Variants in ARHGEF10 observed in about 807,000 individuals in gnomAD.
ARHGEF10 encodes the protein Rho guanine nucleotide exchange factor 10.
ARHGEF10 carries 140 observed loss-of-function variants against 147.4 expected under a neutral mutation model. The observed-to-expected ratio is 0.95, with a 90% CI of 0.83 to 1.09. The LOEUF (loss-of-function observed/expected upper bound fraction) is 1.09, where lower values mean the gene tolerates loss of function less well. Ranked by LOEUF, ARHGEF10 falls within the 50% of genes least tolerant of loss-of-function variation. The pLI is 0.00. For missense variants in ARHGEF10, 2,222 were observed against 1,752.7 expected, an observed-to-expected ratio of 1.27 and a Z score of -4.78; for synonymous variants, 902 against 695.8, an observed-to-expected ratio of 1.30 and a Z score of -4.67.
intron 16 of ARHGEF10, among the ~76,000 whole-genome samples, chr8:1,905,197 G>A (rs946277692): frequency 6.6e-5 from 10 of 152,162 alleles, no homozygotes; most frequent in Admixed American, 1.3e-4. Context: ...CATACAAAGC[G>A]TCTTTCTGAA....
intron 15 of ARHGEF10, among the ~76,000 whole-genome samples, chr8:1,898,986 A>T (rs959910638): frequency 1.4e-4 from 21 of 152,222 alleles, no homozygotes; most frequent in Non-Finnish European, 2.6e-4. Context: ...TTTAAACAAA[A>T]CATACCCATC....
intron 25 of ARHGEF10, among the ~76,000 whole-genome samples, chr8:1,930,855 G>A (rs996903925): frequency 6.6e-5 from 10 of 152,202 alleles, no homozygotes; most frequent in Non-Finnish European, 1.0e-4. Context: ...CACAGGAGCC[G>A]CTCCTGTCTC....
intron 15 of ARHGEF10, among the ~76,000 whole-genome samples, chr8:1,903,019 T>C (rs974591131): frequency 6.6e-6 from 1 of 152,152 alleles, no homozygotes; most frequent in Non-Finnish European, 1.5e-5. Context: ...ATTTCTGAGA[T>C]TGTGATATGT....
chr8:1,891,635 T>C (rs1329440373), intron 11 of ARHGEF10, among the ~76,000 whole-genome samples: 1 of 152,142 alleles, frequency 6.6e-6, no homozygotes, highest in Non-Finnish European at 1.5e-5. Context: ...AGTTGCCCCA[T>C]GACCTTCATG....
At chr8:1,910,769 G>C (rs754346593) in intron 18 of ARHGEF10, among the ~76,000 whole-genome samples, 7 of 152,096 alleles carry the variant, frequency 4.6e-5, no homozygotes, top group African/African-American at 7.2e-5. Flanking sequence ...TTATATTGTG[G>C]TTTTGTGAAC....
rs755084727 is a variant in ARHGEF10, at chr8:1,864,418, C to A, written c.527C>A (p.Ser176Tyr). The change falls in exon 5 of 29, where the codon TCC becomes TAC. Residue 176 changes from serine to tyrosine, a missense_variant. Coordinates refer to ENST00000349830, the MANE Select transcript of ARHGEF10 (RefSeq NM_014629.4). ...TEDRQPNSLS[S>Y]EEPPTSEDQV... ...GATCGCCAGCCCAATTCTCTGAGTT[C>A]CGAGGAGCCTCCAACCAGGTATCTG... 1.2e-6 allele frequency: 2 copies of A among 1,614,136 alleles called. No homozygotes were observed. Among genetic ancestry groups the A allele is most frequent in the South Asian group, 1.1e-5 (1 of 91,076 alleles).
intron 25 of ARHGEF10, among the ~76,000 whole-genome samples, chr8:1,931,632 G>A (rs1813156449): frequency 6.6e-6 from 1 of 152,240 alleles, no homozygotes; most frequent in South Asian, 2.1e-4. Context: ...TGGCTGGCTG[G>A]AGGCCTCGGC....
At chr8:1,941,319 A>G (rs765146062) in intron 26 of ARHGEF10, among the ~76,000 whole-genome samples, 1 of 152,250 alleles carries the variant, frequency 6.6e-6, no homozygotes, top group African/African-American at 2.4e-5. Flanking sequence ...CACTAGCAGC[A>G]AACAACCTGA....
rs76213820 is a variant in ARHGEF10 at position 1,831,957 on chromosome 8, C to T, written c.-48+7844C>T. Among the ~76,000 whole-genome samples, 264 of 152,270 alleles carry T rather than the reference C, an allele frequency of 1.7e-3. 2 individuals carry two copies. The highest frequency in any genetic ancestry group is 6.2e-3 in the African/African-American group (258 of 41,556). On this transcript the variant is annotated intron_variant, in intron 1 of 28. Coordinates refer to ENST00000349830, the MANE Select transcript of ARHGEF10 (RefSeq NM_014629.4). ...CCGCAGCTGCCTGTGGAAACCAGCA[C>T]GTTGGCAGGAGGGGAGGGTGGTGCC...
intron 2 of ARHGEF10, among the ~76,000 whole-genome samples, chr8:1,846,622 G>T (rs1042266527): frequency 2.0e-5 from 3 of 152,056 alleles, no homozygotes; most frequent in African/African-American, 7.2e-5. Context: ...CTCTCACCCA[G>T]GCTGGAGTGA....
chr8:1,864,433 C>G lies in ARHGEF10; in HGVS notation c.542C>G (p.Thr181Ser). The G allele has an allele frequency of 6.2e-7, 1 of 1,613,864 alleles. No homozygotes were observed. The highest frequency in any genetic ancestry group is 8.5e-7 in the Non-Finnish European group (1 of 1,179,728). Residue 181 changes from threonine to serine, a missense_variant, in exon 5 of 29, where the codon ACC (threonine) becomes AGC (serine). By Grantham distance (58) the Thr-to-Ser change is moderately conservative. Transcript: ENST00000349830. ...PNSLSSEEPP[T>S]SEDQVGREDS... ...TCTCTGAGTTCCGAGGAGCCTCCAA[C>G]CAGGTATCTGCATCCGTCTTCCCAC...
At chr8:1,923,933 C>A in intron 21 of ARHGEF10, 59 bp downstream of exon 21, 2 of 1,508,614 alleles carry the variant, frequency 1.3e-6, no homozygotes, top group Non-Finnish European at 1.8e-6. Flanking sequence ...AATTCCTGCC[C>A]ACGAGGGTGA....
At chr8:1,944,839 G>A (rs117802476) in intron 26 of ARHGEF10, among the ~76,000 whole-genome samples, 8,039 of 152,314 alleles carry the variant, frequency 0.053, 303 homozygotes, top group Middle Eastern at 0.11. Context: ...ACTCCAGGCA[G>A]CCCCTGAGGC....
chr8:1,884,194 C>T (rs1250193007), intron 10 of ARHGEF10, among the ~76,000 whole-genome samples: 1 of 152,050 alleles, frequency 6.6e-6, no homozygotes, highest in East Asian at 1.9e-4. Context: ...GAGATCAAGA[C>T]CATCCTGGCT....
At chr8:1,880,454 C>G (rs1282109826) in intron 9 of ARHGEF10, among the ~76,000 whole-genome samples, 1 of 152,210 alleles carries the variant, frequency 6.6e-6, no homozygotes, top group African/African-American at 2.4e-5. Context: ...CAGAAACGCA[C>G]AATGCCACTT....
intron 26 of ARHGEF10, chr8:1,943,994 A>G (rs1814324981): frequency 6.6e-6 from 1 of 151,696 alleles, no homozygotes; most frequent in Non-Finnish European, 1.5e-5. Flanking sequence ...CCCGCTCAAG[A>G]CCCACAGTGA....
chr8:1,849,874 G>A (rs985379211), intron 2 of ARHGEF10, among the ~76,000 whole-genome samples: 1 of 145,806 alleles, frequency 6.9e-6, no homozygotes, highest in South Asian at 2.1e-4. Context: ...CAAATGCTGA[G>A]GAGGGCGTGG....
intron 1 of ARHGEF10, among the ~76,000 whole-genome samples, chr8:1,826,413 G>T (rs12675811): frequency 1.1e-4 from 5 of 45,114 alleles, no homozygotes; most frequent in African/African-American, 2.1e-4. Flanking sequence ...TGTGTGTGCT[G>T]TGTGTGTGTG....
intron 11 of ARHGEF10, among the ~76,000 whole-genome samples, chr8:1,892,888 T>C (rs535777898): frequency 7.9e-5 from 12 of 152,306 alleles, no homozygotes; most frequent in African/African-American, 2.9e-4. Context: ...GGCGTCCTCA[T>C]AGGCCTTTCA....
Sources: allele counts gnomAD v4.1 joint callset (sites outside exome capture counted in the v4.1 genomes callset), GRCh38; gene constraint gnomAD v4.1.1; transcripts MANE v1.5; gene names NCBI Gene and HGNC (gene_info 2026-07-23, HGNC 2026-07-21).